The following TRDN variants were observed in gnomAD, a reference collection of about 807,000 sequenced individuals.
TRDN encodes the protein triadin in skeletal muscle.
A neutral mutation model predicts 149.7 loss-of-function variants in TRDN; 161 were observed. The ratio of observed to expected loss-of-function variants is 1.08; its 90% confidence interval spans 0.95 to 1.23. The LOEUF (loss-of-function observed/expected upper bound fraction) is 1.23, where lower values mean the gene tolerates loss of function less well. Ranked by LOEUF, TRDN falls within the 50% of genes most tolerant of loss-of-function variation. TRDN has a pLI of 0.00. For missense variants in TRDN, 896 were observed against 823.5 expected (o/e 1.09, Z -1.08); for synonymous variants, 294 against 250.5 (o/e 1.17, Z -1.64).
intron 2 of TRDN, among the ~76,000 whole-genome samples, chr6:123,551,768 G>A (rs6929883): frequency 0.032 from 4,856 of 152,092 alleles, 109 homozygotes; most frequent in African/African-American, 0.066. Context: ...ATGGAGCCAC[G>A]TTTTACACCC....
At position 123,430,473 on chromosome 6, in the gene TRDN, T is replaced by C. The variant is rs192801437; in HGVS notation, c.1051+7590A>G. Reference sequence around the variant, plus strand: ...GGCATGTGCCTGTAGTCCCAGCTACTAGGGAGGCCGAGGCAGGAGAACTGC... The same window carrying C: ...GGCATGTGCCTGTAGTCCCAGCTACCAGGGAGGCCGAGGCAGGAGAACTGC... On this transcript the variant is annotated intron_variant, in intron 12 of 40. Transcript: ENST00000334268. Among the ~76,000 whole-genome samples, 992 of 151,884 alleles carry C rather than the reference T, an allele frequency of 6.5e-3. 9 individuals are homozygous for C. The highest frequency in any genetic ancestry group is 0.022 in the African/African-American group (925 of 41,434).
intron 1 of TRDN, among the ~76,000 whole-genome samples, chr6:123,584,933 A>G (rs977336238): frequency 4.6e-5 from 7 of 152,094 alleles, no homozygotes; most frequent in Non-Finnish European, 4.4e-5. Context: ...GGACAGGTAA[A>G]ATGGGGGAAT....
intron 1 of TRDN, among the ~76,000 whole-genome samples, chr6:123,596,088 AAAGG>A (rs1326821392): frequency 6.6e-6 from 1 of 152,124 alleles, no homozygotes; most frequent in Non-Finnish European, 1.5e-5. Flanking sequence ...TTGTGAGTGC[AAAGG>A]AAAAGTTATT....
chr6:123,606,419 T>G (rs1033930859), intron 1 of TRDN, among the ~76,000 whole-genome samples: 1 of 152,058 alleles, frequency 6.6e-6, no homozygotes, highest in Non-Finnish European at 1.5e-5. Flanking sequence ...TACCATAGAT[T>G]TTGTGTGTGT....
chr6:123,551,530 T>A (rs868761323), intron 2 of TRDN, among the ~76,000 whole-genome samples: 30 of 152,188 alleles, frequency 2.0e-4, no homozygotes, highest in African/African-American at 6.7e-4. Context: ...TAGGTAATTG[T>A]ATTTTCTTAG....
intron 1 of TRDN, among the ~76,000 whole-genome samples, chr6:123,610,748 T>G (rs1784767365): frequency 6.6e-6 from 1 of 152,140 alleles, no homozygotes. Flanking sequence ...ATGGGGACTC[T>G]CTGGAAACAA....
intron 33 of TRDN, among the ~76,000 whole-genome samples, chr6:123,262,104 T>C (rs1776792914): frequency 6.6e-6 from 1 of 152,028 alleles, no homozygotes; most frequent in Admixed American, 6.6e-5. Flanking sequence ...TGTTTATTGT[T>C]GCATATTTAC....
Position 123,297,314 on chromosome 6 carries a change from C to G in TRDN, c.1511-18232G>C, listed in dbSNP as rs1778239220. On this transcript the variant is annotated intron_variant, in intron 24 of 40. Transcript: ENST00000334268. ...TGAGTAGTGAGAAACCCTTTGTGTT[C>G]TGCCTCTTGATGTTCAAAGGTGATT... is the stretch of plus-strand genomic sequence containing the variant. Among the ~76,000 whole-genome samples the G allele has an allele frequency of 2.6e-5, 4 of 152,076 alleles. No individual in the cohort carries two copies. The South Asian group carries it at 8.3e-4, about 32-fold the overall frequency.
chr6:123,297,023 C>T (rs2114661631), intron 24 of TRDN, among the ~76,000 whole-genome samples: 1 of 152,086 alleles, frequency 6.6e-6, no homozygotes, highest in Middle Eastern at 3.4e-3. Context: ...CAATAATGGG[C>T]AAGATAAGAG....
At chr6:123,498,653 T>C in intron 8 of TRDN, 1 of 469,890 alleles carries the variant, frequency 2.1e-6, no homozygotes, top group East Asian at 7.0e-5. Context: ...ACCCTATGAT[T>C]GGGAAAGACA....
chr6:123,410,682 A>G (rs1010735697), intron 12 of TRDN, among the ~76,000 whole-genome samples: 2 of 152,108 alleles, frequency 1.3e-5, no homozygotes, highest in Non-Finnish European at 2.9e-5. Context: ...ATGATAGTGG[A>G]TTACATCACT....
intron 23 of TRDN, among the ~76,000 whole-genome samples, chr6:123,316,811 C>T (rs1779041979): frequency 6.6e-6 from 1 of 151,630 alleles, no homozygotes; most frequent in Non-Finnish European, 1.5e-5. Flanking sequence ...GAAAATATTG[C>T]AAATTAAAAA....
intron 2 of TRDN, among the ~76,000 whole-genome samples, chr6:123,557,682 G>A (rs372996137): frequency 6.6e-6 from 1 of 152,022 alleles, no homozygotes; most frequent in African/African-American, 2.4e-5. Context: ...GTGTGACCAC[G>A]TGGGAACGCC....
At chr6:123,540,063 C>G (rs976450622) in intron 4 of TRDN, among the ~76,000 whole-genome samples, 2 of 152,190 alleles carry the variant, frequency 1.3e-5, no homozygotes, top group African/African-American at 4.8e-5. Flanking sequence ...ATCCAGTATT[C>G]CTGATAATAT....
chr6:123,375,592 T>G lies in TRDN; in HGVS notation c.1273+13A>C. On this transcript the variant is annotated intron_variant, in intron 19 of 40. Coordinates refer to ENST00000334268, the MANE Select transcript of TRDN (RefSeq NM_006073.4). ...CCAAATATGCTCTTCTTTAAAAATT[T>G]TGTTCAACATACTTGCTTTTACTTG... The G allele has an allele frequency of 1.3e-6, 2 of 1,534,030 alleles. No homozygotes were observed. Among genetic ancestry groups the G allele is most frequent in the East Asian group, 2.5e-5 (1 of 40,206 alleles).
chr6:123,365,328 A>G (rs1453838358), intron 20 of TRDN, among the ~76,000 whole-genome samples: 9 of 149,416 alleles, frequency 6.0e-5, no homozygotes, highest in African/African-American at 2.1e-4. Context: ...AGCTAACATT[A>G]ATTTATACTG....
chr6:123,381,386 T>C lies in TRDN; in HGVS notation c.1170A>G (p.Glu390=), dbSNP rs1781714675. The C allele has an allele frequency of 2.6e-6, 4 of 1,557,814 alleles. No homozygotes were observed. The highest frequency in any genetic ancestry group is 3.5e-6 in the Non-Finnish European group (4 of 1,149,672). Residue 390 remains glutamate, a synonymous_variant, in exon 16 of 41, where the codon GAA becomes GAG. Coordinates refer to ENST00000334268, the MANE Select transcript of TRDN (RefSeq NM_006073.4). The part of the protein sequence containing the change: ...SKKTKKPAEV[E]QPKGKKQEKK... Reference sequence around the variant, plus strand: ...TTTCCTTACTTTTTCCCTTGGGTTGTTCTACTGAAAGAAATACAAACAAAA... The same window carrying C: ...TTTCCTTACTTTTTCCCTTGGGTTGCTCTACTGAAAGAAATACAAACAAAA...
chr6:123,485,327 T>G (rs1461807958), intron 9 of TRDN, among the ~76,000 whole-genome samples: 1 of 152,192 alleles, frequency 6.6e-6, no homozygotes, highest in African/African-American at 2.4e-5. Context: ...TTGCAATGTT[T>G]AGAAATCTGT....
At chr6:123,617,933 C>T (rs911863839) in intron 1 of TRDN, among the ~76,000 whole-genome samples, 15 of 151,978 alleles carry the variant, frequency 9.9e-5, no homozygotes, top group African/African-American at 3.4e-4. Context: ...AGATGGGTTT[C>T]GCCATGTTGG....
Sources: gnomAD v4.1 joint callset for allele counts (sites outside exome capture counted in the v4.1 genomes callset) on GRCh38, gnomAD v4.1.1 for gene constraint, MANE v1.5 for transcripts, NCBI Gene and HGNC (gene_info 2026-07-23, HGNC 2026-07-21) for gene names.